DLG2: variants seen among roughly 807,000 people sequenced by gnomAD.
DLG2 encodes discs large MAGUK scaffold protein 2.
In DLG2, 45 loss-of-function variants were observed where a neutral mutation model predicts 132.5. That is an observed-to-expected ratio of 0.34 (90% CI 0.27 to 0.44). The LOEUF is 0.44. Ranked by LOEUF, DLG2 falls within the 20% of genes least tolerant of loss-of-function variation. DLG2 has a pLI of 1.00. For synonymous variants in DLG2, 424 were observed against 419.6 expected, an observed-to-expected ratio of 1.01 and a Z score of -0.13; for missense variants, 1,045 against 1,196.9, an observed-to-expected ratio of 0.87 and a Z score of 1.87.
chr11:85,216,312 G>T (rs1194915800), intron 4 of DLG2, among the ~76,000 whole-genome samples: 1 of 152,040 alleles, frequency 6.6e-6, no homozygotes, highest in Non-Finnish European at 1.5e-5. Context: ...AGCAAAAGCA[G>T]AAAATAGGCC....
intron 7 of DLG2, among the ~76,000 whole-genome samples, chr11:84,326,169 G>T (rs1355538539): frequency 6.6e-6 from 1 of 151,512 alleles, no homozygotes; most frequent in African/African-American, 2.4e-5. Flanking sequence ...TACCAATTTT[G>T]TTGATGTTTT....
intron 19 of DLG2, among the ~76,000 whole-genome samples, chr11:83,586,647 T>C (rs976656172): frequency 6.6e-6 from 1 of 152,268 alleles, no homozygotes; most frequent in African/African-American, 2.4e-5. Flanking sequence ...GTTTGTTACT[T>C]ATAGTAACTA....
rs1464194772 is a variant in DLG2, at chr11:83,786,783, T to C, written c.1732A>G (p.Ile578Val). 8 of 1,613,910 alleles carry C rather than the reference T, an allele frequency of 5.0e-6. No individual in the cohort carries two copies. The highest frequency in any genetic ancestry group is 6.8e-6 in the Non-Finnish European group (8 of 1,179,954). ...TCGTGGGATGCACCACGGAGGTCAA[T>C]GCCATTCACCTGAAAGAGAGGAAGC... is the stretch of plus-strand genomic sequence containing the variant. The part of the protein sequence containing the change: ...RGDQILSVNG[I>V]DLRGASHEQA... Residue 578 changes from isoleucine to valine, a missense_variant, in exon 18 of 28, where the codon ATT (isoleucine) becomes GTT (valine). By Grantham distance (29) the Ile-to-Val change is conservative. Around this residue, in one of 4 missense-constraint regions of DLG2, gnomAD observed 398 missense variants for 543.6 expected, o/e 0.73. Coordinates refer to ENST00000376104, the MANE Select transcript of DLG2 (RefSeq NM_001142699.3).
intron 6 of DLG2, among the ~76,000 whole-genome samples, chr11:85,065,714 T>C (rs1287662530): frequency 6.6e-6 from 1 of 151,160 alleles, no homozygotes; most frequent in Non-Finnish European, 1.5e-5. Context: ...TCCTGAATAA[T>C]CTTTGGGTGA....
chr11:84,596,876 G>T (rs959074105), intron 6 of DLG2, among the ~76,000 whole-genome samples: 1 of 152,112 alleles, frequency 6.6e-6, no homozygotes, highest in Non-Finnish European at 1.5e-5. Context: ...ACTATGTTAT[G>T]CATCAGGCAC....
chr11:85,433,330 T>A (rs111430226), intron 3 of DLG2, among the ~76,000 whole-genome samples: 1 of 152,154 alleles, frequency 6.6e-6, no homozygotes, highest in African/African-American at 2.4e-5. Context: ...TAAACTTATA[T>A]GTAGATGGGC....
intron 6 of DLG2, among the ~76,000 whole-genome samples, chr11:84,715,691 G>A (rs1565754703): frequency 6.6e-6 from 1 of 151,998 alleles, no homozygotes. Flanking sequence ...TATTGCAAAT[G>A]TAAGGTTATC....
chr11:84,384,088 G>T (rs1334705850), intron 7 of DLG2, among the ~76,000 whole-genome samples: 1 of 136,684 alleles, frequency 7.3e-6, no homozygotes, highest in Non-Finnish European at 1.5e-5. Flanking sequence ...GGAAGCTCTC[G>T]ATGACGCTTT....
intron 4 of DLG2, among the ~76,000 whole-genome samples, chr11:85,210,456 T>G (rs1447600368): frequency 6.6e-6 from 1 of 152,188 alleles, no homozygotes; most frequent in Non-Finnish European, 1.5e-5. Flanking sequence ...CAGACCTATA[T>G]CCAAATGTTG....
chr11:83,791,487 G>T, intron 17 of DLG2: 1 of 685,504 alleles, frequency 1.5e-6, no homozygotes, highest in South Asian at 1.4e-5. Context: ...ACTGGCTAGC[G>T]ATGGTTGTTG....
chr11:84,320,907 T>C (rs549412378), intron 7 of DLG2, among the ~76,000 whole-genome samples: 10 of 152,304 alleles, frequency 6.6e-5, no homozygotes, highest in Admixed American at 1.3e-4. Flanking sequence ...ATTCAGGAAA[T>C]GTAAATGTAT....
intron 7 of DLG2, among the ~76,000 whole-genome samples, chr11:84,426,772 C>G (rs1177908641): frequency 3.3e-5 from 5 of 152,064 alleles, no homozygotes; most frequent in African/African-American, 9.7e-5. Context: ...TTGAGTCATT[C>G]AGCACATAAT....
chr11:84,342,916 CT>C (rs2098522057), intron 7 of DLG2, among the ~76,000 whole-genome samples: 1 of 152,138 alleles, frequency 6.6e-6, no homozygotes, highest in Non-Finnish European at 1.5e-5. Context: ...CTCATTCCAG[CT>C]GAATTTGATG....
At chr11:83,467,004 A>G (rs2091151774) in intron 25 of DLG2, among the ~76,000 whole-genome samples, 187 bp from the exon 26 acceptor site, 1 of 152,212 alleles carries the variant, frequency 6.6e-6, no homozygotes, top group African/African-American at 2.4e-5. Flanking sequence ...GTTTACAATA[A>G]CTAATACTAA....
chr11:85,528,154 A>G (rs958741718), intron 3 of DLG2, among the ~76,000 whole-genome samples: 3 of 152,154 alleles, frequency 2.0e-5, no homozygotes, highest in East Asian at 3.8e-4. Context: ...CTTTCATGAC[A>G]GTTTCTTTTG....
intron 14 of DLG2, among the ~76,000 whole-genome samples, chr11:83,954,217 T>C (rs946613976): frequency 6.6e-6 from 1 of 152,198 alleles, no homozygotes; most frequent in African/African-American, 2.4e-5. Flanking sequence ...TGTTTTCTAA[T>C]ATATATTTGG....
chr11:84,960,317 A>G (rs916234886), intron 6 of DLG2, among the ~76,000 whole-genome samples: 1 of 152,204 alleles, frequency 6.6e-6, no homozygotes, highest in South Asian at 2.1e-4. Flanking sequence ...AAATAAAGGA[A>G]TATTTAATGT....
chr11:85,484,089 A>G (rs1052627270), intron 3 of DLG2, among the ~76,000 whole-genome samples: 11 of 152,132 alleles, frequency 7.2e-5, no homozygotes, highest in Admixed American at 4.6e-4. Context: ...GGAAAGTTGA[A>G]AAGAACTTTG....
intron 6 of DLG2, among the ~76,000 whole-genome samples, chr11:84,772,349 G>A (rs11824435): frequency 0.14 from 21,388 of 150,758 alleles, 1,718 homozygotes; most frequent in African/African-American, 0.22. Flanking sequence ...ATAATAGGTA[G>A]GATTTCAACA....
Sources: allele counts gnomAD v4.1 joint callset (sites outside exome capture counted in the v4.1 genomes callset), GRCh38; gene constraint gnomAD v4.1.1; regional missense constraint gnomAD v4.1.1; transcripts MANE v1.5; gene names NCBI Gene and HGNC (gene_info 2026-07-23, HGNC 2026-07-21).